EPSTI1: variants seen among roughly 807,000 people sequenced by gnomAD.
EPSTI1 encodes the protein epithelial stromal interaction 1.
Under a neutral mutation model 49.9 loss-of-function variants are expected in EPSTI1, and 66 were observed. That is an observed-to-expected ratio of 1.32 (90% CI 1.08 to 1.62). EPSTI1 has a LOEUF of 1.62. Among genes scored for constraint, EPSTI1 ranks in the 40% most tolerant of loss-of-function variants. The pLI is 0.00. For synonymous variants in EPSTI1, 137 were observed against 130.7 expected (o/e 1.05, Z -0.33); for missense variants, 394 against 365.5 (o/e 1.08, Z -0.64).
intron 9 of EPSTI1, among the ~76,000 whole-genome samples, chr13:42,896,148 T>C (rs1374357945): frequency 6.6e-6 from 1 of 152,170 alleles, no homozygotes; most frequent in East Asian, 1.9e-4. Context: ...GCTCAGTTGC[T>C]GTCTCTCAAC....
At chr13:42,962,022 C>G (rs1270161454) in intron 5 of EPSTI1, among the ~76,000 whole-genome samples, 1 of 152,192 alleles carries the variant, frequency 6.6e-6, no homozygotes, top group African/African-American at 2.4e-5. Flanking sequence ...GGCTAATGTT[C>G]ATTTTTCTTA....
At chr13:42,913,334 T>A (rs530457107) in intron 8 of EPSTI1, among the ~76,000 whole-genome samples, 1 of 152,174 alleles carries the variant, frequency 6.6e-6, no homozygotes, top group South Asian at 2.1e-4. Flanking sequence ...GACACAGAGA[T>A]GTTAAAATTA....
intron 1 of EPSTI1, among the ~76,000 whole-genome samples, chr13:42,981,770 G>A (rs1471730897): frequency 6.6e-6 from 1 of 152,064 alleles, no homozygotes; most frequent in Non-Finnish European, 1.5e-5. Context: ...TCAATTCAGT[G>A]GATTTATTTT....
intron 8 of EPSTI1, among the ~76,000 whole-genome samples, chr13:42,901,420 CA>C (rs1203286579): frequency 1.2e-4 from 18 of 152,312 alleles, no homozygotes; most frequent in Admixed American, 1.2e-3. Context: ...CATTGCTCAT[CA>C]ATCCCTAAAG....
intron 9 of EPSTI1, among the ~76,000 whole-genome samples, chr13:42,896,556 C>A (rs2037194196): frequency 6.6e-6 from 1 of 152,220 alleles, no homozygotes; most frequent in Non-Finnish European, 1.5e-5. Flanking sequence ...TCACTCATTT[C>A]TTTCCATGGA....
intron 7 of EPSTI1, among the ~76,000 whole-genome samples, chr13:42,921,352 G>T (rs932258845): frequency 1.3e-5 from 2 of 152,116 alleles, no homozygotes; most frequent in Non-Finnish European, 2.9e-5. Context: ...AATTCTGGAG[G>T]AAAATTATTT....
intron 1 of EPSTI1, among the ~76,000 whole-genome samples, chr13:42,986,744 C>CAAAAAAAA (rs71099813): frequency 2.5e-5 from 2 of 80,806 alleles, no homozygotes; most frequent in Admixed American, 1.6e-4. Context: ...GATTCCATCT[C>CAAAAAAAA]AAAAAAAAAA....
intron 8 of EPSTI1, among the ~76,000 whole-genome samples, chr13:42,913,448 T>G (rs2037743209): frequency 6.6e-6 from 1 of 152,146 alleles, no homozygotes; most frequent in African/African-American, 2.4e-5. Context: ...TAAAAAATCA[T>G]TAAATACAAA....
chr13:42,918,108 C>T (rs969083826), intron 7 of EPSTI1, among the ~76,000 whole-genome samples: 5 of 152,278 alleles, frequency 3.3e-5, no homozygotes, highest in Middle Eastern at 3.4e-3. Flanking sequence ...TTCAAGGATG[C>T]ATATTTTCTA....
At chr13:42,909,096 A>AAAT (rs57943692) in intron 8 of EPSTI1, among the ~76,000 whole-genome samples, 11 of 150,144 alleles carry the variant, frequency 7.3e-5, no homozygotes, top group Admixed American at 6.0e-4. Context: ...TCCATCTCAA[A>AAAT]AATAATAACA....
chr13:42,975,916 A>G (rs73472118), intron 1 of EPSTI1, among the ~76,000 whole-genome samples: 27 of 152,364 alleles, frequency 1.8e-4, no homozygotes, highest in African/African-American at 6.5e-4. Flanking sequence ...CCAAAAACCA[A>G]TGATGGGACC....
chr13:42,926,219 A>G, intron 7 of EPSTI1, 117 bp downstream of exon 7: 2 of 730,094 alleles, frequency 2.7e-6, no homozygotes, highest in African/African-American at 1.7e-5. Flanking sequence ...GGATCAGGTC[A>G]TCTGTCTTTA....
intron 6 of EPSTI1, among the ~76,000 whole-genome samples, chr13:42,941,151 T>G (rs546042410): frequency 1.3e-5 from 2 of 152,334 alleles, no homozygotes; most frequent in Admixed American, 6.5e-5. Context: ...AAGTATAAAA[T>G]CATCCTTCAC....
intron 8 of EPSTI1, among the ~76,000 whole-genome samples, chr13:42,914,760 G>A (rs1466626328): frequency 6.6e-6 from 1 of 152,136 alleles, no homozygotes; most frequent in Non-Finnish European, 1.5e-5. Context: ...GAGATGAGAA[G>A]TTCACGTGTG....
intron 4 of EPSTI1, chr13:42,963,685 T>C: frequency 3.3e-6 from 1 of 299,814 alleles, no homozygotes; most frequent in Non-Finnish European, 6.1e-6. Flanking sequence ...TCAGTGTTCA[T>C]TGTAAAAATC....
intron 10 of EPSTI1, among the ~76,000 whole-genome samples, chr13:42,893,519 G>A (rs1374760235): frequency 6.6e-6 from 1 of 152,174 alleles, no homozygotes; most frequent in Non-Finnish European, 1.5e-5. Flanking sequence ...CACCCAATCA[G>A]CCTCACTATT....
chr13:42,900,124 G>A (rs1005102510), intron 9 of EPSTI1, among the ~76,000 whole-genome samples, 186 bp downstream of exon 9: 10 of 152,128 alleles, frequency 6.6e-5, no homozygotes, highest in Admixed American at 2.0e-4. Flanking sequence ...ATGTACACAC[G>A]TGTGTACTTA....
chr13:42,960,037 T>G (rs1042122250), intron 5 of EPSTI1, among the ~76,000 whole-genome samples: 1 of 152,174 alleles, frequency 6.6e-6, no homozygotes, highest in Non-Finnish European at 1.5e-5. Context: ...GATGTACATA[T>G]GCTATTGCAA....
At chr13:42,904,422 TCAGAAAAGTTTGA>T (rs1344799744) in intron 8 of EPSTI1, among the ~76,000 whole-genome samples, 1 of 152,136 alleles carries the variant, frequency 6.6e-6, no homozygotes, top group African/African-American at 2.4e-5. Context: ...TTGACGAAAA[TCAGAAAAGTTTGA>T]CAGAAAACAC....
Sources: gnomAD v4.1 joint callset for allele counts (sites outside exome capture counted in the v4.1 genomes callset) on GRCh38, gnomAD v4.1.1 for gene constraint, MANE v1.5 for transcripts, NCBI Gene and HGNC (gene_info 2026-07-23, HGNC 2026-07-21) for gene names.